The following RNF150 variants were observed in gnomAD, a reference collection of about 807,000 sequenced individuals.
RNF150 encodes the protein ring finger protein 150.
Under a neutral mutation model 39.3 loss-of-function variants are expected in RNF150, and 24 were observed. The observed-to-expected ratio is 0.61, with a 90% confidence interval of 0.44 to 0.86. The LOEUF (loss-of-function observed/expected upper bound fraction) is 0.86, where lower values mean the gene tolerates loss of function less well. Ranked by LOEUF, RNF150 falls within the 40% of genes least tolerant of loss-of-function variation. The pLI, the probability that RNF150 is intolerant of heterozygous loss-of-function variation, is 0.00. For missense variants in RNF150, 502 were observed against 587.8 expected (o/e 0.85, Z 1.51); for synonymous variants, 255 against 227.3 (o/e 1.12, Z -1.10).
chr4:141,045,966 C>G (rs1388996424), intron 1 of RNF150, among the ~76,000 whole-genome samples: 2 of 152,084 alleles, frequency 1.3e-5, no homozygotes, highest in Non-Finnish European at 2.9e-5. Flanking sequence ...GAGATTTAGA[C>G]ATGACACACT....
chr4:141,080,998 A>G (rs1005892442), intron 1 of RNF150, among the ~76,000 whole-genome samples: 6 of 152,158 alleles, frequency 3.9e-5, no homozygotes, highest in African/African-American at 1.4e-4. Flanking sequence ...CACATGTCCA[A>G]TGCGGTTGTC....
Position 140,868,266 on chromosome 4 carries a change from A to T in RNF150, c.1312T>A (p.Ser438Thr), listed in dbSNP as rs1403068417. Residue 438 changes from serine to threonine, a missense_variant, in exon 7 of 7, where the codon TCT (serine) becomes ACT (threonine). By Grantham distance (58) the Ser-to-Thr change is moderately conservative (BLOSUM62 1). Coordinates refer to ENST00000515673, the MANE Select transcript of RNF150 (RefSeq NM_020724.2). Reference protein sequence around the residue: ...STDQDCEEVKS With the variant: ...STDQDCEEVKT ...TTGCTTCTGGATTTGTCGTTTCAAG[A>T]TTTCACTTCTTCACAGTCCTGGTCA... The T allele has an allele frequency of 1.3e-6, 2 of 1,571,770 alleles. No individual in the cohort carries two copies. Among genetic ancestry groups the T allele is most frequent in the Non-Finnish European group, 1.8e-6 (2 of 1,141,780 alleles).
At chr4:141,076,065 A>G (rs1253681946) in intron 1 of RNF150, among the ~76,000 whole-genome samples, 1 of 152,240 alleles carries the variant, frequency 6.6e-6, no homozygotes, top group East Asian at 1.9e-4. Context: ...GACATAATAT[A>G]CATTAAAACA....
chr4:141,160,037 A>G (rs150662837), intron 1 of RNF150, among the ~76,000 whole-genome samples: 2 of 152,242 alleles, frequency 1.3e-5, no homozygotes, highest in East Asian at 3.9e-4. Context: ...CCAGGTCATC[A>G]GCAGTGGGGT....
At chr4:141,185,244 T>G (rs1301705910) in intron 1 of RNF150, among the ~76,000 whole-genome samples, 1 of 152,048 alleles carries the variant, frequency 6.6e-6, no homozygotes, top group Non-Finnish European at 1.5e-5. Flanking sequence ...AGGTCCTTCA[T>G]GTCCCTTGTA....
intron 1 of RNF150, among the ~76,000 whole-genome samples, chr4:141,000,019 AGAAGAAGAAG>A (rs1734570119): frequency 1.3e-4 from 5 of 39,052 alleles, no homozygotes; most frequent in African/African-American, 2.6e-4. Context: ...AAGAAGAAGA[AGAAGAAGAAG>A]AAGAAGAAGA....
chr4:140,989,876 G>A (rs1037524745), intron 1 of RNF150, among the ~76,000 whole-genome samples: 18 of 152,054 alleles, frequency 1.2e-4, no homozygotes, highest in African/African-American at 4.3e-4. Flanking sequence ...AGCAGTTACT[G>A]AACAGATAAA....
intron 1 of RNF150, among the ~76,000 whole-genome samples, chr4:141,210,561 T>A (rs1327957689): frequency 6.6e-6 from 1 of 152,036 alleles, no homozygotes; most frequent in Non-Finnish European, 1.5e-5. Context: ...AAGCAACATG[T>A]TAAAAAGTAT....
intron 1 of RNF150, among the ~76,000 whole-genome samples, chr4:141,064,195 A>G (rs1468660214): frequency 1.3e-5 from 2 of 152,212 alleles, no homozygotes; most frequent in African/African-American, 4.8e-5. Context: ...ATTAAGTGCT[A>G]CTAATTTTCC....
At chr4:140,960,633 A>G (rs1732983920) in intron 2 of RNF150, among the ~76,000 whole-genome samples, 1 of 152,106 alleles carries the variant, frequency 6.6e-6, no homozygotes, top group Admixed American at 6.6e-5. Flanking sequence ...TAATTTAATC[A>G]ATCATGCCTA....
At position 140,865,261 on chromosome 4, in the gene RNF150, T is replaced by C. The variant is rs1728655600; in HGVS notation, c.*3000A>G. The stretch of plus-strand genomic sequence containing the variant: ...ATTAAAATTATCTTTACCTGTTTCT[T>C]TTTACACTTTAAAATGTGGCTAGTA... On this transcript the variant is annotated 3_prime_UTR_variant, in exon 7 of 7. Coordinates refer to ENST00000515673, the MANE Select transcript of RNF150 (RefSeq NM_020724.2). 1 of 152,240 alleles carries C rather than the reference T, an allele frequency of 6.6e-6. No individual in the cohort carries two copies. Among genetic ancestry groups the C allele is most frequent in the African/African-American group, 2.4e-5 (1 of 41,462 alleles). The allele number at this position is 152,240 out of a possible 1,614,324, so 9.4% of individuals were successfully genotyped here. A position where few individuals can be genotyped will look rare whatever the true frequency, so the allele number is the denominator to read the frequency against.
chr4:140,910,161 A>C (rs568039469), intron 6 of RNF150, among the ~76,000 whole-genome samples: 1 of 152,256 alleles, frequency 6.6e-6, no homozygotes, highest in Admixed American at 6.5e-5. Flanking sequence ...GCTTTCATAC[A>C]TTTTATAAAA....
At chr4:140,988,225 C>T (rs1047439669) in intron 1 of RNF150, among the ~76,000 whole-genome samples, 3 of 152,104 alleles carry the variant, frequency 2.0e-5, no homozygotes, top group Non-Finnish European at 2.9e-5. Context: ...ACAGAACTAC[C>T]GTTCAATCCA....
chr4:141,139,113 G>T (rs528573598), intron 1 of RNF150, among the ~76,000 whole-genome samples: 1 of 152,270 alleles, frequency 6.6e-6, no homozygotes, highest in African/African-American at 2.4e-5. Flanking sequence ...TGCTTGGGAG[G>T]CTGAAGCAGG....
At position 141,054,225 on chromosome 4, in the gene RNF150, C is replaced by T. The variant is rs1736883764; in HGVS notation, c.484+78100G>A. 2.0e-5 allele frequency among the ~76,000 whole-genome samples: 3 copies of T among 152,226 alleles called. No individual in the cohort carries two copies. In the South Asian group the frequency reaches 6.2e-4, roughly 32 times the overall value. On this transcript the variant is annotated intron_variant, in intron 1 of 6. Coordinates refer to ENST00000515673, the MANE Select transcript of RNF150 (RefSeq NM_020724.2). ...TAGGTTTCTATAGTTATCGCTAGTA[C>T]TTAAATGTCTGCATAATAGTTCATC...
At chr4:141,082,831 G>A (rs1206874083) in intron 1 of RNF150, among the ~76,000 whole-genome samples, 1 of 152,006 alleles carries the variant, frequency 6.6e-6, no homozygotes, top group South Asian at 2.1e-4. Context: ...CTCGTGATCC[G>A]CCCGCCTCGG....
At chr4:140,999,975 GAAAAGAAGAA>G (rs1213775578) in intron 1 of RNF150, among the ~76,000 whole-genome samples, 7 of 41,826 alleles carry the variant, frequency 1.7e-4, no homozygotes, top group South Asian at 1.6e-3. Context: ...AGAAGAAGAA[GAAAAGAAGAA>G]AAGAAGAAAA....
intron 1 of RNF150, among the ~76,000 whole-genome samples, chr4:141,164,731 A>C (rs2111163132): frequency 6.6e-6 from 1 of 152,324 alleles, no homozygotes; most frequent in South Asian, 2.1e-4. Flanking sequence ...GGAGAAATAA[A>C]ATCCTTTACA....
chr4:141,160,657 G>A (rs935667840), intron 1 of RNF150, among the ~76,000 whole-genome samples: 6 of 152,258 alleles, frequency 3.9e-5, no homozygotes, highest in East Asian at 1.9e-4. Context: ...GTTTAGCACC[G>A]TCCCCTCTTT....
Sources: gnomAD v4.1 joint callset for allele counts (sites outside exome capture counted in the v4.1 genomes callset) on GRCh38, gnomAD v4.1.1 for gene constraint, MANE v1.5 for transcripts, NCBI Gene and HGNC (gene_info 2026-07-23, HGNC 2026-07-21) for gene names.